Variants in PPP2R2B observed in about 807,000 individuals in gnomAD.
PPP2R2B encodes serine/threonine-protein phosphatase 2A 55 kDa regulatory subunit B beta isoform.
Under a neutral mutation model 46.0 loss-of-function variants are expected in PPP2R2B, and 5 were observed. The ratio of observed to expected loss-of-function variants is 0.11; its 90% CI spans 0.06 to 0.23. The LOEUF (loss-of-function observed/expected upper bound fraction) is 0.23, where lower values mean the gene tolerates loss of function less well. Ranked by LOEUF, PPP2R2B falls within the 10% of genes least tolerant of loss-of-function variation. The pLI, the probability that PPP2R2B is intolerant of heterozygous loss-of-function variation, is 1.00. For synonymous variants in PPP2R2B, 215 were observed against 206.7 expected, an observed-to-expected ratio of 1.04 and a Z score of -0.34; for missense variants, 367 against 575.0, an observed-to-expected ratio of 0.64 and a Z score of 3.70.
At chr5:146,621,882 G>A (rs1332011265) in intron 7 of PPP2R2B, among the ~76,000 whole-genome samples, 1 of 152,186 alleles carries the variant, frequency 6.6e-6, no homozygotes, top group Admixed American at 6.5e-5. Flanking sequence ...GTTGTACTTG[G>A]TCCTCATTTT....
intron 2 of PPP2R2B, among the ~76,000 whole-genome samples, chr5:147,071,424 G>C (rs936554810): frequency 6.6e-6 from 1 of 152,178 alleles, no homozygotes; most frequent in African/African-American, 2.4e-5. Flanking sequence ...CAGGAGTCCA[G>C]CTATTTATAA....
intron 2 of PPP2R2B, among the ~76,000 whole-genome samples, chr5:146,864,741 G>A (rs536522528): frequency 6.6e-6 from 1 of 152,278 alleles, no homozygotes; most frequent in Non-Finnish European, 1.5e-5. Flanking sequence ...GAGCTTTGCG[G>A]GGTAGAAGGG....
chr5:146,855,607 T>C (rs1445898167), intron 2 of PPP2R2B, among the ~76,000 whole-genome samples: 1 of 152,182 alleles, frequency 6.6e-6, no homozygotes, highest in Non-Finnish European at 1.5e-5. Context: ...CCCTCTTCGT[T>C]CCTTTTATTA....
intron 2 of PPP2R2B, among the ~76,000 whole-genome samples, chr5:146,875,997 C>T (rs1340513046): frequency 6.6e-6 from 1 of 152,142 alleles, no homozygotes; most frequent in African/African-American, 2.4e-5. Context: ...CGTTTAAGTT[C>T]TATTTTCCTT....
At chr5:146,764,882 C>A (rs1754385008) in intron 2 of PPP2R2B, among the ~76,000 whole-genome samples, 1 of 152,022 alleles carries the variant, frequency 6.6e-6, no homozygotes, top group African/African-American at 2.4e-5. Flanking sequence ...CTAAACCATC[C>A]TAGTGGATCT....
At position 146,585,896 on chromosome 5, in the gene PPP2R2B, G is replaced by A. The variant is rs1770135450; in HGVS notation, c.*4051C>T. 6.6e-6 allele frequency: 1 copy of A among 152,202 alleles called. No homozygotes were observed. Among genetic ancestry groups the A allele is most frequent in the South Asian group, 2.1e-4 (1 of 4,822 alleles). The allele number at this position is 152,202 out of a possible 1,614,324, so 9.4% of individuals were successfully genotyped here. Reference sequence around the variant, plus strand: ...GTGATGACACTGACATAGGGACTGAGTGGGTAGCTTAAGTTCCATGGTTAC... The same window carrying A: ...GTGATGACACTGACATAGGGACTGAATGGGTAGCTTAAGTTCCATGGTTAC... On this transcript the variant is annotated 3_prime_UTR_variant, in exon 10 of 10. Coordinates refer to ENST00000394411, the MANE Select transcript of PPP2R2B (RefSeq NM_181675.4).
At chr5:146,774,510 A>T (rs1014386735) in intron 2 of PPP2R2B, among the ~76,000 whole-genome samples, 21 of 152,100 alleles carry the variant, frequency 1.4e-4, no homozygotes, top group African/African-American at 5.1e-4. Context: ...CAGAAAAAAA[A>T]AATGGATGTA....
At chr5:146,617,286 A>C (rs1387955871) in intron 7 of PPP2R2B, among the ~76,000 whole-genome samples, 2 of 152,168 alleles carry the variant, frequency 1.3e-5, no homozygotes, top group Non-Finnish European at 2.9e-5. Context: ...ATGAATAAGA[A>C]CTAGTATGTG....
At chr5:146,650,515 C>T in intron 6 of PPP2R2B, 32 bp downstream of exon 6, 1 of 1,591,338 alleles carries the variant, frequency 6.3e-7, no homozygotes, top group Non-Finnish European at 8.6e-7. Flanking sequence ...TTAATTCAGG[C>T]CAGTTGATTC....
chr5:146,789,148 G>A (rs1756033279), intron 2 of PPP2R2B, among the ~76,000 whole-genome samples: 1 of 152,180 alleles, frequency 6.6e-6, no homozygotes, highest in African/African-American at 2.4e-5. Flanking sequence ...TCTGTAGGGT[G>A]GAATCCGAGG....
rs150197216 is a variant in PPP2R2B at position 146,675,563 on chromosome 5, A to G, written c.447+15565T>C. On this transcript the variant is annotated intron_variant, in intron 5 of 9. Coordinates refer to ENST00000394411, the MANE Select transcript of PPP2R2B (RefSeq NM_181675.4). The stretch of plus-strand genomic sequence containing the variant: ...AGAAATCTAGGATGAAACATATAGC[A>G]AGTGCAATATTAAGCATGCTCCCTG... Among the ~76,000 whole-genome samples, 26 of 152,316 alleles carry G rather than the reference A, an allele frequency of 1.7e-4. No individual in the cohort carries two copies. In the East Asian group the frequency reaches 3.9e-3, roughly 23 times the overall value.
intron 2 of PPP2R2B, among the ~76,000 whole-genome samples, chr5:146,863,551 G>A (rs1304680172): frequency 6.6e-6 from 1 of 151,968 alleles, no homozygotes; most frequent in Non-Finnish European, 1.5e-5. Context: ...TCTAGAAGAT[G>A]CTTTAACACT....
intron 1 of PPP2R2B, chr5:147,040,749 G>A: frequency 2.2e-6 from 1 of 450,510 alleles, no homozygotes. Flanking sequence ...TAACAGCGAA[G>A]TCTTTTCAGC....
rs187128079 is a variant in PPP2R2B at position 146,993,556 on chromosome 5, C to G, written c.79+62109G>C. ...TGCACCCAGCTGGTGATAGAAAAATCTAATAAGGAGTACACAGTATAAGCT... is the reference window on the plus strand; with the variant it reads ...TGCACCCAGCTGGTGATAGAAAAATGTAATAAGGAGTACACAGTATAAGCT... On this transcript the variant is annotated intron_variant, in intron 1 of 8. Transcript: ENST00000336640. 3.5e-3 allele frequency among the ~76,000 whole-genome samples: 538 copies of G among 152,256 alleles called. 6 individuals are homozygous for G. The highest frequency in any genetic ancestry group is 0.012 in the African/African-American group (500 of 41,554).
At chr5:146,992,017 G>T in intron 1 of PPP2R2B, among the ~76,000 whole-genome samples, 1 of 152,016 alleles carries the variant, frequency 6.6e-6, no homozygotes, top group South Asian at 2.1e-4. Context: ...AGAAATAGAA[G>T]AAACAATTCT....
chr5:146,874,902 A>G (rs988815956), intron 2 of PPP2R2B, among the ~76,000 whole-genome samples: 2 of 152,222 alleles, frequency 1.3e-5, no homozygotes, highest in African/African-American at 2.4e-5. Context: ...TCCTCTATAT[A>G]ACCCCATACA....
At chr5:146,610,097 G>A (rs1561769603) in intron 7 of PPP2R2B, among the ~76,000 whole-genome samples, 1 of 55,828 alleles carries the variant, frequency 1.8e-5, no homozygotes, top group South Asian at 1.3e-3. Context: ...AAGTGTCCCT[G>A]TCTGACAGCT....
intron 5 of PPP2R2B, 66 bp from the exon 6 acceptor site, chr5:146,650,790 C>T: frequency 1.4e-6 from 2 of 1,423,454 alleles, no homozygotes; most frequent in Non-Finnish European, 9.6e-7. Flanking sequence ...AGTGTGCATG[C>T]TAATATCATT....
At chr5:147,036,678 T>C (rs1456296804) in intron 1 of PPP2R2B, among the ~76,000 whole-genome samples, 1 of 152,164 alleles carries the variant, frequency 6.6e-6, no homozygotes, top group African/African-American at 2.4e-5. Context: ...CCAGAATCTC[T>C]TGTATTTTTG....
Sources: allele counts gnomAD v4.1 joint callset (sites outside exome capture counted in the v4.1 genomes callset), GRCh38; gene constraint gnomAD v4.1.1; transcripts MANE v1.5; gene names NCBI Gene and HGNC (gene_info 2026-07-23, HGNC 2026-07-21).